Variants in HLCS observed in about 807,000 individuals in gnomAD.
HLCS encodes the protein biotin--protein ligase.
HLCS carries 53 observed loss-of-function variants against 75.0 expected under a neutral mutation model. That is an observed-to-expected ratio of 0.71 (90% CI 0.57 to 0.89). HLCS has a LOEUF of 0.89. Among genes scored for constraint, HLCS ranks in the 40% least tolerant of loss-of-function variants. The probability of loss-of-function intolerance (pLI) is 0.00; values close to 1 mark genes in which losing one functional copy is unlikely to be tolerated. For synonymous variants in HLCS, 431 were observed against 428.6 expected (o/e 1.01, Z -0.07); for missense variants, 966 against 1,074.0 (o/e 0.90, Z 1.41).
intron 2 of HLCS, among the ~76,000 whole-genome samples, chr21:36,942,173 C>CA (rs541119460): frequency 1.1e-4 from 17 of 150,586 alleles, no homozygotes; most frequent in South Asian, 6.4e-4. Context: ...GCGACAGTCT[C>CA]AAAAAAAACC....
intron 6 of HLCS, among the ~76,000 whole-genome samples, chr21:36,877,115 C>T (rs998682874): frequency 2.0e-5 from 3 of 152,156 alleles, no homozygotes; most frequent in African/African-American, 7.2e-5. Flanking sequence ...TATCCTTTTA[C>T]TTCTAACCTG....
At chr21:36,904,728 T>C (rs2065379431) in intron 5 of HLCS, among the ~76,000 whole-genome samples, 1 of 152,206 alleles carries the variant, frequency 6.6e-6, no homozygotes. Flanking sequence ...CTGTTTGATA[T>C]AAATCTGCCT....
intron 10 of HLCS, among the ~76,000 whole-genome samples, 181 bp downstream of exon 10, chr21:36,756,361 G>A (rs537706097): frequency 6.9e-6 from 1 of 144,296 alleles, no homozygotes; most frequent in African/African-American, 2.6e-5. Flanking sequence ...TGAGGCAGGA[G>A]AATGGCGTGA....
intron 6 of HLCS, among the ~76,000 whole-genome samples, chr21:36,882,216 A>C (rs2064252041): frequency 6.6e-6 from 1 of 151,808 alleles, no homozygotes; most frequent in East Asian, 2.0e-4. Context: ...CGGAAGGCGG[A>C]GCTTGCAGTG....
rs1430012489 is a variant in HLCS at position 36,753,347 on chromosome 21, C to G, written c.*899G>C. On this transcript the variant is annotated 3_prime_UTR_variant, in exon 11 of 11. Coordinates refer to ENST00000674895, the MANE Select transcript of HLCS (RefSeq NM_001352514.2). This position sits in a 1 kb window ranked among gnomAD's most constrained non-coding sequence, Gnocchi z 4.3. Reference sequence around the variant, plus strand: ...AGTCTTGCAGGAATGCTCCACATTTCAGAGTAAATCTGAAACTGGCTTAAA... The same window carrying G: ...AGTCTTGCAGGAATGCTCCACATTTGAGAGTAAATCTGAAACTGGCTTAAA... 1 of 152,208 alleles carries G rather than the reference C, an allele frequency of 6.6e-6. No homozygotes were observed. Among genetic ancestry groups the G allele is most frequent in the Non-Finnish European group, 1.5e-5 (1 of 68,040 alleles). 9.4% of individuals were successfully genotyped at this position (152,208 alleles called of 1,614,324 possible). A position where few individuals can be genotyped will look rare whatever the true frequency, so the allele number is the denominator to read the frequency against.
At chr21:36,965,876 GA>G (rs2146686373) in intron 1 of HLCS, among the ~76,000 whole-genome samples, 1 of 152,152 alleles carries the variant, frequency 6.6e-6, no homozygotes, top group East Asian at 1.9e-4. Flanking sequence ...TCACCCTCCA[GA>G]GTAGCTGGGA....
chr21:36,804,992 A>G lies in HLCS; in HGVS notation c.1893-37707T>C, dbSNP rs915885439. 3.9e-5 allele frequency among the ~76,000 whole-genome samples: 6 copies of G among 152,310 alleles called. No homozygotes were observed. The East Asian group carries it at 9.6e-4, about 24-fold the overall frequency. On this transcript the variant is annotated intron_variant, in intron 6 of 10. Transcript: ENST00000674895. ...AACAGCTCCATGAGGTGGCAGGGCC[A>G]GTACAATCATCCTTGTTTTGTATCT...
intron 1 of HLCS, chr21:36,980,935 C>CT (rs2069105164): frequency 6.6e-6 from 1 of 152,462 alleles, no homozygotes; most frequent in Non-Finnish European, 1.5e-5. Context: ...CCCTTCTCCA[C>CT]TGGCTGCTCA....
At chr21:36,865,267 G>T (rs866595027) in intron 6 of HLCS, among the ~76,000 whole-genome samples, 3 of 151,940 alleles carry the variant, frequency 2.0e-5, no homozygotes, top group Admixed American at 6.6e-5. Flanking sequence ...CAGAATGCGC[G>T]CCAGTTTAAA....
chr21:36,926,657 T>A (rs1372672972), intron 5 of HLCS, among the ~76,000 whole-genome samples: 2 of 151,964 alleles, frequency 1.3e-5, no homozygotes, highest in African/African-American at 4.8e-5. Flanking sequence ...ACAGAGAAAG[T>A]TTTAAAAGAT....
chr21:36,823,440 T>C (rs2061905750), intron 6 of HLCS, among the ~76,000 whole-genome samples: 1 of 152,196 alleles, frequency 6.6e-6, no homozygotes, highest in Non-Finnish European at 1.5e-5. Context: ...TCACTATGCA[T>C]GAAGTGATCA....
chr21:36,933,861 T>C (rs1428969484), intron 4 of HLCS, among the ~76,000 whole-genome samples: 2 of 152,208 alleles, frequency 1.3e-5, no homozygotes, highest in Non-Finnish European at 2.9e-5. Flanking sequence ...GTGAATTGTA[T>C]GAACTCGTTT....
chr21:36,916,130 T>C (rs1345435456), intron 5 of HLCS, among the ~76,000 whole-genome samples: 3 of 151,978 alleles, frequency 2.0e-5, no homozygotes, highest in African/African-American at 4.8e-5. Context: ...ATAGCACTTA[T>C]ACAAACCACC....
At position 36,748,655 on chromosome 21, in the gene HLCS, T is replaced by G. The variant is rs1728977100; in HGVS notation, c.*5591A>C. On this transcript the variant is annotated 3_prime_UTR_variant, in exon 11 of 11. Coordinates refer to ENST00000674895, the MANE Select transcript of HLCS (RefSeq NM_001352514.2). Reference sequence around the variant, plus strand: ...ATTATTTTTGTTTTTATTTAACCCTTTCTTCAATACAAAAAGCCAACAAAC... The same window carrying G: ...ATTATTTTTGTTTTTATTTAACCCTGTCTTCAATACAAAAAGCCAACAAAC... 6.6e-6 allele frequency: 1 copy of G among 152,482 alleles called. No individual in the cohort carries two copies. The highest frequency in any genetic ancestry group is 2.4e-5 in the African/African-American group (1 of 41,454). The allele number at this position is 152,482 out of a possible 1,614,324, so 9.4% of individuals were successfully genotyped here.
chr21:36,815,632 A>C lies in HLCS; in HGVS notation c.1893-48347T>G, dbSNP rs114975165. ...GGATAGGTTGTGTAGAATTCATCAA[A>C]TTGGTGCCCCTAAAAAGTGAATTGA... On this transcript the variant is annotated intron_variant, in intron 6 of 10. Coordinates refer to ENST00000674895, the MANE Select transcript of HLCS (RefSeq NM_001352514.2). Among the ~76,000 whole-genome samples, 354 of 152,282 alleles carry C rather than the reference A, an allele frequency of 2.3e-3. 4 individuals are homozygous for C. The highest frequency in any genetic ancestry group is 8.2e-3 in the African/African-American group (341 of 41,554).
intron 10 of HLCS, 102 bp from the exon 11 acceptor site, chr21:36,754,519 G>A (rs2089484484): frequency 7.8e-7 from 1 of 1,284,502 alleles, no homozygotes; most frequent in Non-Finnish European, 1.1e-6. Flanking sequence ...GGCGTGCTGG[G>A]GAGAGGGCTG....
intron 2 of HLCS, among the ~76,000 whole-genome samples, chr21:36,949,958 A>T (rs1274456694): frequency 6.6e-6 from 1 of 152,136 alleles, no homozygotes; most frequent in Non-Finnish European, 1.5e-5. Context: ...TTCCTGCTAC[A>T]TTCCCCATCT....
intron 8 of HLCS, among the ~76,000 whole-genome samples, chr21:36,761,740 T>A (rs1038881256): frequency 2.0e-5 from 3 of 152,178 alleles, no homozygotes; most frequent in Non-Finnish European, 4.4e-5. Context: ...TCTAGGAGGC[T>A]CTGCTCTTCA....
intron 9 of HLCS, among the ~76,000 whole-genome samples, chr21:36,758,748 C>T (rs966804395): frequency 6.6e-6 from 1 of 152,026 alleles, no homozygotes; most frequent in Non-Finnish European, 1.5e-5. Context: ...TCTGGGAGGC[C>T]GAGGCGGGCG....
Sources: allele counts gnomAD v4.1 joint callset (sites outside exome capture counted in the v4.1 genomes callset), GRCh38; gene constraint gnomAD v4.1.1; non-coding constraint Gnocchi (gnomAD v3.1); transcripts MANE v1.5; gene names NCBI Gene and HGNC (gene_info 2026-07-23, HGNC 2026-07-21).